The following SNW1 variants were observed in gnomAD, a reference collection of about 807,000 sequenced individuals.
SNW1 encodes SNW domain-containing protein 1.
SNW1 carries 9 observed loss-of-function variants against 75.6 expected under a neutral mutation model. That is an observed-to-expected ratio of 0.12 (90% confidence interval 0.07 to 0.21). The LOEUF is 0.21. SNW1 is among the 10% of genes least tolerant of loss of function. The pLI is 1.00. For missense variants in SNW1, 409 were observed against 670.9 expected, an observed-to-expected ratio of 0.61 and a Z score of 4.31; for synonymous variants, 200 against 219.1, an observed-to-expected ratio of 0.91 and a Z score of 0.77.
intron 3 of SNW1, among the ~76,000 whole-genome samples, chr14:77,745,331 G>A (rs972596684): frequency 6.6e-5 from 10 of 152,262 alleles, no homozygotes; most frequent in African/African-American, 2.4e-4. Flanking sequence ...AATATCCATG[G>A]GAAGTCTCAA....
intron 10 of SNW1, among the ~76,000 whole-genome samples, chr14:77,727,675 G>A (rs1269911950): frequency 2.0e-5 from 3 of 152,112 alleles, no homozygotes; most frequent in African/African-American, 7.2e-5. Flanking sequence ...TTCTATTAAT[G>A]TGATGTATCA....
chr14:77,729,838 T>C (rs2080614975), intron 10 of SNW1, among the ~76,000 whole-genome samples: 6 of 152,214 alleles, frequency 3.9e-5, no homozygotes, highest in Admixed American at 2.0e-4. Context: ...GAAAACAGTA[T>C]GTCAGGTCAT....
chr14:77,733,208 C>T (rs2080641002), intron 8 of SNW1, among the ~76,000 whole-genome samples: 2 of 82,704 alleles, frequency 2.4e-5, no homozygotes, highest in East Asian at 3.2e-4. Flanking sequence ...AGTAAGTGGG[C>T]GATTAGGATT....
chr14:77,736,875 T>G, intron 6 of SNW1, 96 bp downstream of exon 6: 1 of 845,216 alleles, frequency 1.2e-6, no homozygotes, highest in Non-Finnish European at 2.0e-6. Flanking sequence ...TCATACTGTA[T>G]GTACTTGTTT....
intron 12 of SNW1, among the ~76,000 whole-genome samples, chr14:77,720,306 C>T (rs575103335): frequency 1.2e-4 from 18 of 151,992 alleles, no homozygotes; most frequent in East Asian, 1.9e-4. Context: ...GGCTAGTTTT[C>T]GTATTTTTAG....
chr14:77,761,147 C>T lies in SNW1; in HGVS notation c.-20G>A. The T allele has an allele frequency of 3.1e-6, 5 of 1,614,232 alleles. No individual in the cohort carries two copies. Among genetic ancestry groups the T allele is most frequent in the Non-Finnish European group, 4.2e-6 (5 of 1,180,036 alleles). ...CGCCATCTTCTTCCGCTTCTTCCAGCGCGAGCGACAGCACCGCTGGGCGGG... is the reference window on the plus strand; with the variant it reads ...CGCCATCTTCTTCCGCTTCTTCCAGTGCGAGCGACAGCACCGCTGGGCGGG... On this transcript the variant is annotated 5_prime_UTR_variant, in exon 1 of 14. Coordinates refer to ENST00000261531, the MANE Select transcript of SNW1 (RefSeq NM_012245.3).
intron 2 of SNW1, among the ~76,000 whole-genome samples, chr14:77,754,635 A>T (rs1477261): frequency 0.82 from 124,231 of 151,898 alleles, 50,928 homozygotes; most frequent in South Asian, 0.86. Context: ...AAATATGAAA[A>T]CCACTTTCAT....
rs1352797143 is a variant in SNW1, at chr14:77,718,191, T to G, written c.1508A>C (p.Lys503Thr). 6.2e-7 allele frequency: 1 copy of G among 1,614,016 alleles called. No homozygotes were observed. The highest frequency in any genetic ancestry group is 8.5e-7 in the Non-Finnish European group (1 of 1,179,946). The change falls in exon 14 of 14, where the codon AAG (lysine) becomes ACG (threonine). Residue 503 changes from lysine (K) to threonine (T), a missense_variant. Lys to Thr is a moderately conservative substitution (Grantham distance 78, BLOSUM62 -1). Coordinates refer to ENST00000261531, the MANE Select transcript of SNW1 (RefSeq NM_012245.3). ...QFEEDPFGLDKFLEEAKQHGG... is the reference protein window; with the variant it reads ...QFEEDPFGLDTFLEEAKQHGG... ...ATGCTGTTTGGCTTCTTCCAAAAAC[T>G]TGTCCAAACCAAAAGGATCTTCCTC...
intron 3 of SNW1, among the ~76,000 whole-genome samples, chr14:77,741,999 A>G (rs1408812655): frequency 6.6e-6 from 1 of 152,114 alleles, no homozygotes; most frequent in Non-Finnish European, 1.5e-5. Context: ...TCTGAAGAGC[A>G]AGATTCCTCC....
intron 7 of SNW1, 38 bp downstream of exon 7, chr14:77,735,899 G>T: frequency 6.5e-7 from 1 of 1,531,472 alleles, no homozygotes; most frequent in Non-Finnish European, 9.0e-7. Flanking sequence ...TAATAACCAT[G>T]AGTAGAAAAA....
intron 3 of SNW1, among the ~76,000 whole-genome samples, chr14:77,747,334 G>A (rs1478359833): frequency 2.6e-5 from 4 of 152,084 alleles, no homozygotes; most frequent in South Asian, 2.1e-4. Context: ...CTGCCCGGCC[G>A]CCACCCTGTC....
At position 77,718,272 on chromosome 14, in the gene SNW1, T is replaced by C; in HGVS notation, c.1427A>G (p.Lys476Arg). 2 of 1,613,730 alleles carry C rather than the reference T, an allele frequency of 1.2e-6. No homozygotes were observed. Among genetic ancestry groups the C allele is most frequent in the Non-Finnish European group, 1.7e-6 (2 of 1,179,776 alleles). ...TCTACGGTCTGAACCAGAAAACTCC[T>C]TGTCGGGAACAAATCTAAGGAAAAG... Reference protein sequence around the residue: ...RIKTNRFVPDKEFSGSDRRQR... With the variant: ...RIKTNRFVPDREFSGSDRRQR... Residue 476 changes from lysine (K) to arginine (R), a missense_variant, in exon 14 of 14, where the codon AAG becomes AGG. Transcript: ENST00000261531.
intron 5 of SNW1, among the ~76,000 whole-genome samples, chr14:77,738,257 C>T (rs1469430563): frequency 3.3e-5 from 5 of 152,092 alleles, no homozygotes; most frequent in African/African-American, 9.6e-5. Flanking sequence ...GCCAAGATCA[C>T]ACCACTGCAC....
chr14:77,719,290 A>G (rs991908963), intron 12 of SNW1, among the ~76,000 whole-genome samples: 6 of 151,604 alleles, frequency 4.0e-5, no homozygotes, highest in African/African-American at 1.5e-4. Context: ...GTGAAATTTC[A>G]CCCCTAGATC....
chr14:77,748,953 C>T (rs921667397), intron 3 of SNW1, among the ~76,000 whole-genome samples: 8 of 152,154 alleles, frequency 5.3e-5, no homozygotes, highest in Non-Finnish European at 5.9e-5. Flanking sequence ...AGGCTTTCAG[C>T]ATAAACAATT....
chr14:77,726,790 G>T (rs1221636034), intron 10 of SNW1, among the ~76,000 whole-genome samples: 1 of 151,908 alleles, frequency 6.6e-6, no homozygotes, highest in Non-Finnish European at 1.5e-5. Context: ...CTCCAGCCTG[G>T]GTGACAAGAG....
At chr14:77,719,939 G>A (rs1054861409) in intron 12 of SNW1, among the ~76,000 whole-genome samples, 1 of 152,178 alleles carries the variant, frequency 6.6e-6, no homozygotes, top group Non-Finnish European at 1.5e-5. Context: ...ATTCTTGTGT[G>A]TGCGCATGCG....
chr14:77,733,390 T>G (rs1175143892), intron 8 of SNW1, among the ~76,000 whole-genome samples: 2 of 152,028 alleles, frequency 1.3e-5, no homozygotes, highest in African/African-American at 4.8e-5. Flanking sequence ...CTATAGGAAG[T>G]TAAATCTGCT....
intron 3 of SNW1, among the ~76,000 whole-genome samples, chr14:77,750,577 A>G (rs1048696380): frequency 2.6e-5 from 4 of 152,208 alleles, no homozygotes; most frequent in African/African-American, 9.7e-5. Context: ...AGAGAGGCCA[A>G]TGATAGGCAC....
Sources: gnomAD v4.1 joint callset for allele counts (sites outside exome capture counted in the v4.1 genomes callset) on GRCh38, gnomAD v4.1.1 for gene constraint, MANE v1.5 for transcripts, NCBI Gene and HGNC (gene_info 2026-07-23, HGNC 2026-07-21) for gene names.